APBB2: variants seen among roughly 807,000 people sequenced by gnomAD.
APBB2 encodes the protein Fe65-like 1.
A neutral mutation model predicts 82.5 loss-of-function variants in APBB2; 38 were observed. The ratio of observed to expected loss-of-function variants is 0.46; its 90% confidence interval spans 0.36 to 0.60. APBB2 has a LOEUF of 0.60. Ranked by LOEUF, APBB2 falls within the 20% of genes least tolerant of loss-of-function variation. APBB2 has a pLI of 0.00. For missense variants in APBB2, 772 were observed against 972.3 expected (o/e 0.79, Z 2.74); for synonymous variants, 341 against 368.2 (o/e 0.93, Z 0.85).
chr4:41,019,479 TTC>T lies in APBB2; in HGVS notation c.20-5083_20-5082del, dbSNP rs148180807. ...AAAAGCGAAACTGGCAGCCTTAATTTTCTCTATGAAGAGAAAGTTTTCCCAGA... is the reference window on the plus strand; with the variant it reads ...AAAAGCGAAACTGGCAGCCTTAATTTTCTATGAAGAGAAAGTTTTCCCAGA... On this transcript the variant is annotated intron_variant, in intron 5 of 17. Coordinates refer to ENST00000508593, the MANE Select transcript of APBB2 (RefSeq NM_004307.2). Among the ~76,000 whole-genome samples, 1,376 of 152,296 alleles carry T rather than the reference TTC, an allele frequency of 9.0e-3. 27 individuals carry two copies. Among genetic ancestry groups the T allele is most frequent in the African/African-American group, 0.032 (1,313 of 41,556 alleles).
intron 1 of APBB2, among the ~76,000 whole-genome samples, chr4:41,189,639 A>C (rs942303081): frequency 2.2e-4 from 34 of 152,178 alleles, no homozygotes; most frequent in African/African-American, 8.0e-4. Flanking sequence ...CAACAAATTA[A>C]AGTCCTCAGT....
intron 12 of APBB2, chr4:40,848,840 A>C: frequency 2.0e-6 from 2 of 984,758 alleles, no homozygotes; most frequent in South Asian, 9.4e-5. Flanking sequence ...TCCTCCCCTC[A>C]TCATCCTGAT....
chr4:41,014,548 C>G, intron 5 of APBB2, 150 bp from the exon 6 acceptor site: 1 of 783,354 alleles, frequency 1.3e-6, no homozygotes, highest in Non-Finnish European at 2.1e-6. Flanking sequence ...CTCTTTATTT[C>G]ACCATTTGTT....
chr4:41,049,181 A>C (rs1375598190), intron 4 of APBB2, among the ~76,000 whole-genome samples: 2 of 136,640 alleles, frequency 1.5e-5, no homozygotes, highest in Non-Finnish European at 3.1e-5. Context: ...AGATGTGGGG[A>C]GCGCCTCTGC....
rs1015369137 is a variant in APBB2, at chr4:40,891,182, G to A, written c.1402-691C>T. Among the ~76,000 whole-genome samples, 10 of 152,196 alleles carry A rather than the reference G, an allele frequency of 6.6e-5. 1 individual carries two copies. The highest frequency in any genetic ancestry group is 2.4e-4 in the African/African-American group (10 of 41,446). Reference sequence around the variant, plus strand: ...TTGCTCAGGGTCTGACATAGAACCTGTGGGTGCTGCTGGGATCCCAGCACA... The same window carrying A: ...TTGCTCAGGGTCTGACATAGAACCTATGGGTGCTGCTGGGATCCCAGCACA... On this transcript the variant is annotated intron_variant, in intron 11 of 17. Coordinates refer to ENST00000508593, the MANE Select transcript of APBB2 (RefSeq NM_004307.2).
At chr4:40,837,225 G>A (rs1754253212) in intron 12 of APBB2, among the ~76,000 whole-genome samples, 1 of 152,106 alleles carries the variant, frequency 6.6e-6, no homozygotes, top group Admixed American at 6.5e-5. Context: ...CAGGCGTCAG[G>A]CAGCCAAGCA....
At chr4:41,148,227 A>C (rs898706326) in intron 1 of APBB2, among the ~76,000 whole-genome samples, 7 of 152,226 alleles carry the variant, frequency 4.6e-5, no homozygotes, top group Non-Finnish European at 1.0e-4. Context: ...TAGGATTTCA[A>C]CTAGGGGAAG....
chr4:40,880,782 T>C, intron 12 of APBB2: 9 of 985,414 alleles, frequency 9.1e-6, no homozygotes, highest in Non-Finnish European at 1.1e-5. Context: ...TTCTGCTCTC[T>C]CTTGACACAA....
At chr4:40,838,329 A>ATT (rs780767835) in intron 12 of APBB2, among the ~76,000 whole-genome samples, 2,712 of 72,124 alleles carry the variant, frequency 0.038, 168 homozygotes, top group African/African-American at 0.084. Context: ...CACATGGCTA[A>ATT]TTTTTTTTTT....
chr4:41,141,334 G>A (rs202077556), intron 2 of APBB2, among the ~76,000 whole-genome samples: 1 of 99,018 alleles, frequency 1.0e-5, no homozygotes, highest in Non-Finnish European at 2.3e-5. Flanking sequence ...GTGTGTGTCT[G>A]TGTGTGTGTG....
intron 3 of APBB2, among the ~76,000 whole-genome samples, chr4:41,077,979 T>C (rs1449588560): frequency 6.6e-6 from 1 of 152,112 alleles, no homozygotes; most frequent in Non-Finnish European, 1.5e-5. Flanking sequence ...GATAAATAAA[T>C]AGTAAATAAA....
intron 3 of APBB2, among the ~76,000 whole-genome samples, chr4:41,098,902 CT>C (rs1305449219): frequency 6.6e-6 from 1 of 152,238 alleles, no homozygotes; most frequent in East Asian, 1.9e-4. Flanking sequence ...CAACATAATC[CT>C]TTTTCAAATA....
chr4:40,931,079 G>C (rs1259952021), intron 10 of APBB2, among the ~76,000 whole-genome samples: 2 of 151,846 alleles, frequency 1.3e-5, no homozygotes, highest in Non-Finnish European at 2.9e-5. Flanking sequence ...GATTTTTCGG[G>C]GGAGGGGACC....
At chr4:40,901,909 ATGTGTG>A (rs35766512) in intron 10 of APBB2, among the ~76,000 whole-genome samples, 3,442 of 145,508 alleles carry the variant, frequency 0.024, 109 homozygotes, top group African/African-American at 0.078. Context: ...ATCCAAAATT[ATGTGTG>A]TGTGTGTGTG....
chr4:40,923,424 C>A (rs1781835444), intron 10 of APBB2, among the ~76,000 whole-genome samples: 1 of 152,218 alleles, frequency 6.6e-6, no homozygotes, highest in Non-Finnish European at 1.5e-5. Context: ...CCTTGGAATG[C>A]CAGCTTCAGG....
At chr4:40,910,060 G>A (rs1417600519) in intron 10 of APBB2, among the ~76,000 whole-genome samples, 1 of 151,636 alleles carries the variant, frequency 6.6e-6, no homozygotes, top group African/African-American at 2.4e-5. Flanking sequence ...TCAAGTGATG[G>A]TCTCCTGCCG....
At chr4:40,841,735 G>C (rs1441369257) in intron 12 of APBB2, among the ~76,000 whole-genome samples, 1 of 152,140 alleles carries the variant, frequency 6.6e-6, no homozygotes, top group Non-Finnish European at 1.5e-5. Flanking sequence ...CTGGAATGCA[G>C]TGGTGCCATC....
At chr4:41,046,014 T>A (rs1723282941) in intron 4 of APBB2, among the ~76,000 whole-genome samples, 1 of 152,200 alleles carries the variant, frequency 6.6e-6, no homozygotes, top group Non-Finnish European at 1.5e-5. Context: ...AGACAAAGAT[T>A]TTTAATTTTT....
chr4:41,075,085 T>C (rs1260794447), intron 3 of APBB2, among the ~76,000 whole-genome samples: 1 of 152,132 alleles, frequency 6.6e-6, no homozygotes, highest in East Asian at 1.9e-4. Flanking sequence ...ATGAGTCATG[T>C]TTGTGACAAT....
Sources: allele counts gnomAD v4.1 joint callset (sites outside exome capture counted in the v4.1 genomes callset), GRCh38; gene constraint gnomAD v4.1.1; transcripts MANE v1.5; gene names NCBI Gene and HGNC (gene_info 2026-07-23, HGNC 2026-07-21).